DSC1: variants seen among roughly 807,000 people sequenced by gnomAD.
DSC1 encodes the protein desmocollin 1.
Under a neutral mutation model 98.8 loss-of-function variants are expected in DSC1, and 79 were observed. The ratio of observed to expected loss-of-function variants is 0.80; its 90% CI spans 0.67 to 0.96. The LOEUF (loss-of-function observed/expected upper bound fraction) is 0.96. Ranked by LOEUF, DSC1 falls within the 50% of genes least tolerant of loss-of-function variation. The pLI is 0.00. For missense variants in DSC1, 1,115 were observed against 1,075.9 expected, an observed-to-expected ratio of 1.04 and a Z score of -0.51; for synonymous variants, 405 against 372.1, an observed-to-expected ratio of 1.09 and a Z score of -1.02.
chr18:31,148,655 A>G lies in DSC1; in HGVS notation c.628-13T>C. 6.4e-7 allele frequency: 1 copy of G among 1,561,512 alleles called. No individual in the cohort carries two copies. The highest frequency in any genetic ancestry group is 2.3e-5 in the East Asian group (1 of 43,996). Reference sequence around the variant, plus strand: ...CATAGCCATATAACTGAAAGAAGGGAAAATACCATCAATGTATTCTCAAAC... The same window carrying G: ...CATAGCCATATAACTGAAAGAAGGGGAAATACCATCAATGTATTCTCAAAC... On this transcript the variant is annotated splice_polypyrimidine_tract_variant and intron_variant, in intron 5 of 15. Coordinates refer to ENST00000257198, the MANE Select transcript of DSC1 (RefSeq NM_024421.2).
chr18:31,153,002 G>GA (rs1262663872), intron 5 of DSC1, among the ~76,000 whole-genome samples: 1 of 113,582 alleles, frequency 8.8e-6, no homozygotes, highest in Non-Finnish European at 1.9e-5. Flanking sequence ...ACAGAAACAT[G>GA]GGTAATTCTG....
chr18:31,134,235 C>T (rs779598322), intron 12 of DSC1, 105 bp from the exon 13 acceptor site: 3 of 1,399,450 alleles, frequency 2.1e-6, no homozygotes, highest in Non-Finnish European at 2.8e-6. Context: ...AATAAAAACT[C>T]GAATTTTTCT....
chr18:31,136,625 CAGA>C (rs1330358416), intron 11 of DSC1, among the ~76,000 whole-genome samples: 1 of 152,142 alleles, frequency 6.6e-6, no homozygotes, highest in Non-Finnish European at 1.5e-5. Context: ...ACACTGAAAA[CAGA>C]AGAATTGTCT....
intron 5 of DSC1, among the ~76,000 whole-genome samples, chr18:31,154,022 A>G (rs890700267): frequency 1.3e-5 from 2 of 152,312 alleles, no homozygotes; most frequent in Middle Eastern, 3.4e-3. Context: ...TAAATGCTTA[A>G]TCAGTTTTAT....
At position 31,140,085 on chromosome 18, in the gene DSC1, A is replaced by G. The variant is rs1988699791; in HGVS notation, c.1477T>C (p.Tyr493His). The G allele has an allele frequency of 6.2e-7, 1 of 1,614,084 alleles. No homozygotes were observed. Among genetic ancestry groups the G allele is most frequent in the Non-Finnish European group, 8.5e-7 (1 of 1,179,932 alleles). ...GATATTTCCGGGTCCAGTGCTTTGT[A>G]TCCAAGGAGTTCTTGGCCAGCTGGG... ...GFPAGQELLG[Y>H]KALDPEISSG... Residue 493 changes from tyrosine (Y) to histidine (H), a missense_variant, in exon 10 of 16, where the codon TAC becomes CAC. Physicochemically the swap from Tyr to His is moderately conservative, Grantham distance 83. Transcript: ENST00000257198.
chr18:31,153,016 C>T (rs774410551), intron 5 of DSC1, among the ~76,000 whole-genome samples: 5 of 133,374 alleles, frequency 3.7e-5, no homozygotes, highest in African/African-American at 1.1e-4. Context: ...AATTCTGAGG[C>T]GAAATTATTT....
chr18:31,140,639 G>A (rs1988714458), intron 9 of DSC1, among the ~76,000 whole-genome samples: 1 of 152,162 alleles, frequency 6.6e-6, no homozygotes, highest in Non-Finnish European at 1.5e-5. Flanking sequence ...TGGGATAACA[G>A]TGACAACTAA....
At chr18:31,153,734 T>C (rs16961365) in intron 5 of DSC1, among the ~76,000 whole-genome samples, 1,801 of 152,274 alleles carry the variant, frequency 0.012, 31 homozygotes, top group African/African-American at 0.042. Flanking sequence ...AGCTTCAAAT[T>C]ACACTTCAGC....
intron 11 of DSC1, among the ~76,000 whole-genome samples, chr18:31,138,908 C>A (rs1417208924): frequency 1.3e-5 from 2 of 152,014 alleles, no homozygotes; most frequent in African/African-American, 4.8e-5. Context: ...TTATTTATGG[C>A]AATTTGCCAA....
In DSC1 at chr18:31,134,631, G is replaced by C. The variant is rs748258302; in HGVS notation, c.1817C>G (p.Pro606Arg). 6.8e-6 allele frequency: 11 copies of C among 1,612,740 alleles called. No individual in the cohort carries two copies. The highest frequency in any genetic ancestry group is 1.7e-6 in the Non-Finnish European group (2 of 1,179,314). Residue 606 changes from proline to arginine, a missense_variant, in exon 12 of 16, where the codon CCT becomes CGT. Transcript: ENST00000257198. ...AGAATTATCCAGAAAGAATTGAAAAGGTGGTCCATTTTCAGGTCCATCTGG... is the reference window on the plus strand; with the variant it reads ...AGAATTATCCAGAAAGAATTGAAAACGTGGTCCATTTTCAGGTCCATCTGG... ...VDPDGPENGP[P>R]FQFFLDNSAS...
At chr18:31,161,081 C>G (rs1989199672) in intron 1 of DSC1, among the ~76,000 whole-genome samples, 1 of 152,052 alleles carries the variant, frequency 6.6e-6, no homozygotes, top group African/African-American at 2.4e-5. Flanking sequence ...CACCATGGTA[C>G]AGCCTAGGTG....
At chr18:31,140,856 A>G (rs535132842) in intron 9 of DSC1, among the ~76,000 whole-genome samples, 3 of 152,290 alleles carry the variant, frequency 2.0e-5, no homozygotes, top group Non-Finnish European at 2.9e-5. Flanking sequence ...CTTGATTTGT[A>G]TCTCCCAGAA....
At chr18:31,158,796 A>T (rs1237502737) in intron 2 of DSC1, among the ~76,000 whole-genome samples, 2 of 152,172 alleles carry the variant, frequency 1.3e-5, no homozygotes, top group Non-Finnish European at 2.9e-5. Flanking sequence ...TGTCTAATCA[A>T]TTGAAGAATC....
At chr18:31,140,371 C>T (rs1233992176) in intron 9 of DSC1, 70 bp from the exon 10 acceptor site, 1 of 1,442,458 alleles carries the variant, frequency 6.9e-7, no homozygotes, top group African/African-American at 1.4e-5. Context: ...TTCAAATTTT[C>T]CTACAAAGGA....
rs201507929 is a variant in DSC1, at chr18:31,156,110, C to T, written c.404G>A (p.Arg135Gln). ...CAATGAAGCTGGAATAGGAGCCCATCGTCTCTTGCTGCGCTTGAGGGCTGT... is the reference window on the plus strand; with the variant it reads ...CAATGAAGCTGGAATAGGAGCCCATTGTCTCTTGCTGCGCTTGAGGGCTGT... ...KDTALKRSKR[R>Q]WAPIPASLME... The change falls in exon 4 of 16, where the codon CGA becomes CAA. Residue 135 changes from arginine (R) to glutamine (Q), a missense_variant. By Grantham distance (43) the Arg-to-Gln change is conservative (BLOSUM62 1). Coordinates refer to ENST00000257198, the MANE Select transcript of DSC1 (RefSeq NM_024421.2). 9.4e-5 allele frequency: 151 copies of T among 1,614,016 alleles called. No individual in the cohort carries two copies. The highest frequency in any genetic ancestry group is 1.2e-4 in the Non-Finnish European group (145 of 1,180,036).
At position 31,143,728 on chromosome 18, in the gene DSC1, A is replaced by G; in HGVS notation, c.1003T>C (p.Phe335Leu). 1.1e-5 allele frequency: 17 copies of G among 1,604,562 alleles called. No individual in the cohort carries two copies. The highest frequency in any genetic ancestry group is 1.4e-5 in the Non-Finnish European group (17 of 1,174,986). ...RDMGGQPFGL[F>L]NTGTITISLE... ...GAAATAGTAATTGTTCCTGTATTAAATAAACCGAAAGGCTGACCACCCATG... is the reference window on the plus strand; with the variant it reads ...GAAATAGTAATTGTTCCTGTATTAAGTAAACCGAAAGGCTGACCACCCATG... The change falls in exon 8 of 16, where the codon TTT becomes CTT. Residue 335 changes from phenylalanine to leucine, a missense_variant. By Grantham distance (22) the Phe-to-Leu change is conservative (BLOSUM62 0). Transcript: ENST00000257198.
chr18:31,149,272 T>C (rs1378858538), intron 5 of DSC1, among the ~76,000 whole-genome samples: 1 of 152,212 alleles, frequency 6.6e-6, no homozygotes, highest in Non-Finnish European at 1.5e-5. Flanking sequence ...GTTCAGCAAA[T>C]AGTTGTTGAA....
chr18:31,131,921 G>T, intron 14 of DSC1, 79 bp from the exon 15 acceptor site: 1 of 1,502,972 alleles, frequency 6.7e-7, no homozygotes, highest in Non-Finnish European at 9.0e-7. Flanking sequence ...TTCACCATAG[G>T]CAAATCACTT....
At chr18:31,152,670 A>G (rs992845713) in intron 5 of DSC1, among the ~76,000 whole-genome samples, 2 of 152,144 alleles carry the variant, frequency 1.3e-5, no homozygotes, top group Admixed American at 1.3e-4. Flanking sequence ...GCAGCCCATA[A>G]ACAAAGAAGA....
Sources: gnomAD v4.1 joint callset for allele counts (sites outside exome capture counted in the v4.1 genomes callset) on GRCh38, gnomAD v4.1.1 for gene constraint, MANE v1.5 for transcripts, NCBI Gene and HGNC (gene_info 2026-07-23, HGNC 2026-07-21) for gene names.